SLC39A5: variants seen among roughly 807,000 people sequenced by gnomAD.
The protein encoded by SLC39A5 is zinc transporter ZIP5.
In SLC39A5, 42 loss-of-function variants were observed where a neutral mutation model predicts 46.9. The ratio of observed to expected loss-of-function variants is 0.90; its 90% CI spans 0.70 to 1.16. SLC39A5 has a LOEUF of 1.16. SLC39A5 is among the 50% of genes most tolerant of loss of function. SLC39A5 has a pLI of 0.00. For synonymous variants in SLC39A5, 311 were observed against 323.1 expected, an observed-to-expected ratio of 0.96 and a Z score of 0.40; for missense variants, 677 against 686.8, an observed-to-expected ratio of 0.99 and a Z score of 0.16.
intron 3 of SLC39A5, 97 bp from the exon 4 acceptor site, chr12:56,231,107 T>C (rs1373506136): frequency 1.0e-5 from 7 of 667,878 alleles, no homozygotes; most frequent in Non-Finnish European, 1.5e-5. Flanking sequence ...GGGCTGCTGC[T>C]GGACTCGGTG....
At chr12:56,231,856 G>A (rs1870246446) in intron 4 of SLC39A5, among the ~76,000 whole-genome samples, 1 of 152,068 alleles carries the variant, frequency 6.6e-6, no homozygotes, top group South Asian at 2.1e-4. Flanking sequence ...CTCCTGAGCA[G>A]CTGGGACCAT....
Position 56,236,692 on chromosome 12 carries a change from T to G in SLC39A5, c.1153T>G (p.Trp385Gly). The G allele has an allele frequency of 6.2e-7, 1 of 1,612,774 alleles. No homozygotes were observed. Among genetic ancestry groups the G allele is most frequent in the South Asian group, 1.1e-5 (1 of 90,956 alleles). ...GCACCAGGGTGGCACTGATATCACG[T>G]GGATGGTCCTCCTGGGAGATGGTCT... ...HGHQGGTDIT[W>G]MVLLGDGLHN... Residue 385 changes from tryptophan to glycine, a missense_variant, in exon 10 of 13, where the codon TGG becomes GGG. By Grantham distance (184) the Trp-to-Gly change is radical. Transcript: ENST00000454355.
intron 4 of SLC39A5, 88 bp downstream of exon 4, chr12:56,231,649 C>T (rs545448144): frequency 6.0e-5 from 83 of 1,389,752 alleles, no homozygotes; most frequent in Middle Eastern, 2.7e-4. Flanking sequence ...GGCTTCCTCA[C>T]GAGATCCCTG....
In SLC39A5 at chr12:56,231,255, C is replaced by G; in HGVS notation, c.-20C>G. 1.9e-6 allele frequency: 3 copies of G among 1,580,130 alleles called. No individual in the cohort carries two copies. Among genetic ancestry groups the G allele is most frequent in the Non-Finnish European group, 8.6e-7 (1 of 1,162,566 alleles). On this transcript the variant is annotated 5_prime_UTR_variant, in exon 4 of 13. Transcript: ENST00000454355. The stretch of plus-strand genomic sequence containing the variant: ...AGAATAGGAGCCAGAACCTGAGCCC[C>G]TAAGCTATTCCCCTCACCAATGATG...
rs368192624 is a variant in SLC39A5 at position 56,234,946 on chromosome 12, C to G, written c.594C>G (p.Ile198Met). The G allele has an allele frequency of 6.2e-7, 1 of 1,613,620 alleles. No homozygotes were observed. Among genetic ancestry groups the G allele is most frequent in the Non-Finnish European group, 8.5e-7 (1 of 1,180,016 alleles). The change falls in exon 6 of 13, where the codon ATC becomes ATG. Residue 198 changes from isoleucine to methionine, a missense_variant. Transcript: ENST00000454355. ...LLYQIDSRVC[I>M]GAPAPAPPGD... Reference sequence around the variant, plus strand: ...ATCAGATCGACAGCCGCGTCTGCATCGGCGCTCCGGCCCCTGCACCCCCAG... The same window carrying G: ...ATCAGATCGACAGCCGCGTCTGCATGGGCGCTCCGGCCCCTGCACCCCCAG...
intron 4 of SLC39A5, among the ~76,000 whole-genome samples, chr12:56,232,393 C>T (rs981673000): frequency 5.3e-4 from 81 of 151,828 alleles, no homozygotes; most frequent in Admixed American, 8.5e-4. Flanking sequence ...CTCGAACTTC[C>T]AACCTCAGGT....
intron 4 of SLC39A5, 71 bp from the exon 5 acceptor site, chr12:56,232,618 C>A: frequency 7.1e-7 from 1 of 1,409,738 alleles, no homozygotes; most frequent in Non-Finnish European, 9.4e-7. Context: ...CCCCTAAAAT[C>A]CCTGGGAGCC....
Position 56,235,556 on chromosome 12 carries a change from T to A in SLC39A5, c.805-4T>A. The A allele has an allele frequency of 6.2e-7, 1 of 1,613,446 alleles. No individual in the cohort carries two copies. Among genetic ancestry groups the A allele is most frequent in the Non-Finnish European group, 8.5e-7 (1 of 1,179,840 alleles). On this transcript the variant is annotated splice_region_variant and splice_polypyrimidine_tract_variant and intron_variant, in intron 7 of 12. Coordinates refer to ENST00000454355, the MANE Select transcript of SLC39A5 (RefSeq NM_173596.3). ...AGAGTCTGCCCTGACCTTCTCTCTG[T>A]CAGGCACAAGAAGGGCGGCACGCAG...
chr12:56,235,372 G>A (rs200723120), intron 7 of SLC39A5, 46 bp downstream of exon 7: 18 of 1,507,330 alleles, frequency 1.2e-5, no homozygotes, highest in Admixed American at 4.5e-5. Context: ...ATGGATCTAA[G>A]GTGTCCCCAG....
At chr12:56,232,057 C>T (rs1486172019) in intron 4 of SLC39A5, among the ~76,000 whole-genome samples, 1 of 151,984 alleles carries the variant, frequency 6.6e-6, no homozygotes, top group Non-Finnish European at 1.5e-5. Context: ...TTCTCTCCTC[C>T]TCCAAATCTC....
chr12:56,234,974 G>A lies in SLC39A5; in HGVS notation c.622G>A (p.Asp208Asn). 1.2e-6 allele frequency: 2 copies of A among 1,613,262 alleles called. No homozygotes were observed. The highest frequency in any genetic ancestry group is 1.7e-6 in the Non-Finnish European group (2 of 1,179,998). ...CGCTCCGGCCCCTGCACCCCCAGGG[G>A]ATCTACTATCTGGTCAGCAAGTAGG... is the stretch of plus-strand genomic sequence containing the variant. ...IGAPAPAPPG[D>N]LLSALLQSAL... Residue 208 changes from aspartate (D) to asparagine (N), a missense_variant, in exon 6 of 13, where the codon GAT (aspartate) becomes AAT (asparagine). By Grantham distance (23) the Asp-to-Asn change is conservative (BLOSUM62 1). Transcript: ENST00000454355.
intron 4 of SLC39A5, among the ~76,000 whole-genome samples, chr12:56,232,206 C>A (rs1200888633): frequency 7.0e-6 from 1 of 143,132 alleles, no homozygotes; most frequent in Non-Finnish European, 1.5e-5. Context: ...CGCTCTGTCG[C>A]CCAGGCTGGA....
Position 56,236,751 on chromosome 12 carries a change from G to A in SLC39A5, c.1207+5G>A, listed in dbSNP as rs1870817377. Reference sequence around the variant, plus strand: ...TCACTGATGGGCTGGCCATAGGTGTGAGGGGTGGGAACGGAGGGAAGCAGG... The same window carrying A: ...TCACTGATGGGCTGGCCATAGGTGTAAGGGGTGGGAACGGAGGGAAGCAGG... On this transcript the variant is annotated splice_donor_5th_base_variant and intron_variant, in intron 10 of 12. Transcript: ENST00000454355. The A allele has an allele frequency of 1.9e-6, 3 of 1,593,548 alleles. No homozygotes were observed. Among genetic ancestry groups the A allele is most frequent in the Non-Finnish European group, 2.6e-6 (3 of 1,167,702 alleles).
rs1870770446 is a variant in SLC39A5, at chr12:56,236,420, A to C, written c.970A>C (p.Asn324His). 1 of 1,614,248 alleles carries C rather than the reference A, an allele frequency of 6.2e-7. No homozygotes were observed. The highest frequency in any genetic ancestry group is 8.5e-7 in the Non-Finnish European group (1 of 1,180,042). ...RPRCCRRKRRNLETRNLDPEN... is the reference protein window; with the variant it reads ...RPRCCRRKRRHLETRNLDPEN... ...GAGATGCTGCAGGCGAAAACGAAGG[A>C]ATCTCGAAACACGCAACTTGGATCC... is the stretch of plus-strand genomic sequence containing the variant. Residue 324 changes from asparagine (N) to histidine (H), a missense_variant, in exon 9 of 13, where the codon AAT (asparagine) becomes CAT (histidine). Coordinates refer to ENST00000454355, the MANE Select transcript of SLC39A5 (RefSeq NM_173596.3).
chr12:56,234,383 C>T (rs1316080006), intron 5 of SLC39A5, among the ~76,000 whole-genome samples: 3 of 149,116 alleles, frequency 2.0e-5, no homozygotes, highest in African/African-American at 5.0e-5. Flanking sequence ...GGTGCAATCT[C>T]GGCTCACTGC....
rs1367163756 is a variant in SLC39A5 at position 56,235,314 on chromosome 12, T to A, written c.792T>A (p.His264Gln). ...VGTLCGDALL[H>Q]LLPHAQEGRH... ...CTCTTTGTGGGGATGCACTGCTACA[T>A]CTGCTACCGCATGTATGTGAAGCCC... The change falls in exon 7 of 13, where the codon CAT (histidine) becomes CAA (glutamine). Residue 264 changes from histidine to glutamine, a missense_variant. Transcript: ENST00000454355. 2 of 1,524,440 alleles carry A rather than the reference T, an allele frequency of 1.3e-6. No individual in the cohort carries two copies. Among genetic ancestry groups the A allele is most frequent in the Admixed American group, 2.2e-5 (1 of 46,410 alleles). 94.4% of individuals were successfully genotyped at this position (1,524,440 alleles called of 1,614,324 possible). A position where few individuals can be genotyped will look rare whatever the true frequency, so the allele number is the denominator to read the frequency against.
At chr12:56,232,142 T>C (rs1358065168) in intron 4 of SLC39A5, among the ~76,000 whole-genome samples, 2 of 151,092 alleles carry the variant, frequency 1.3e-5, no homozygotes, top group African/African-American at 4.9e-5. Flanking sequence ...ATTCGTAGAC[T>C]TCTTTTTTCT....
Position 56,231,481 on chromosome 12 carries a change from A to G in SLC39A5, c.207A>G (p.Arg69=). The G allele has an allele frequency of 6.2e-7, 1 of 1,612,410 alleles. No individual in the cohort carries two copies. Among genetic ancestry groups the G allele is most frequent in the Non-Finnish European group, 8.5e-7 (1 of 1,179,108 alleles). Residue 69 remains arginine (R), a synonymous_variant, in exon 4 of 13, where the codon CGA becomes CGG. Transcript: ENST00000454355. ...TTCTCCACAGCCTGGGGCTAGGCCGAGTTCAGGGGCTTCGCCTGGGACAGC... is the reference window on the plus strand; with the variant it reads ...TTCTCCACAGCCTGGGGCTAGGCCGGGTTCAGGGGCTTCGCCTGGGACAGC... ...ARLLHSLGLG[R]VQGLRLGQHG...
intron 5 of SLC39A5, 117 bp from the exon 6 acceptor site, chr12:56,234,707 C>T (rs1157087283): frequency 2.1e-5 from 24 of 1,123,970 alleles, no homozygotes; most frequent in Admixed American, 1.2e-4. Context: ...ATGATACACC[C>T]GCCTGGGCCT....
Sources: gnomAD v4.1 joint callset for allele counts (sites outside exome capture counted in the v4.1 genomes callset) on GRCh38, gnomAD v4.1.1 for gene constraint, MANE v1.5 for transcripts, NCBI Gene and HGNC (gene_info 2026-07-23, HGNC 2026-07-21) for gene names.